The following SNX8 variants were observed in gnomAD, a reference collection of about 807,000 sequenced individuals.
SNX8 encodes the protein sorting nexin 8.
Under a neutral mutation model 51.6 loss-of-function variants are expected in SNX8, and 25 were observed. That is an observed-to-expected ratio of 0.48 (90% CI 0.35 to 0.68). The LOEUF is 0.68. SNX8 is among the 30% of genes least tolerant of loss of function. The pLI is 0.00. For missense variants in SNX8, 695 were observed against 624.0 expected (o/e 1.11, Z -1.21); for synonymous variants, 324 against 277.0 (o/e 1.17, Z -1.68).
intron 2 of SNX8, among the ~76,000 whole-genome samples, chr7:2,276,122 G>C (rs1008954485): frequency 1.3e-5 from 2 of 152,210 alleles, no homozygotes; most frequent in South Asian, 4.1e-4. Context: ...TCCCTATGTG[G>C]CAATGAATTT....
At chr7:2,288,931 T>G (rs2115162516) in intron 1 of SNX8, among the ~76,000 whole-genome samples, 1 of 152,220 alleles carries the variant, frequency 6.6e-6, no homozygotes, top group South Asian at 2.1e-4. Flanking sequence ...GAGATGAGGT[T>G]TCCCCATGTT....
chr7:2,270,349 GGCCCAGCATGGTGCGT>G, intron 4 of SNX8, among the ~76,000 whole-genome samples: 1 of 116,060 alleles, frequency 8.6e-6, no homozygotes. Flanking sequence ...AAAGACCTGA[GGCCCAGCATGGTGCGT>G]GCCTGTAGTC....
chr7:2,268,121 G>T (rs1307444260), intron 5 of SNX8, among the ~76,000 whole-genome samples: 2 of 144,250 alleles, frequency 1.4e-5, no homozygotes, highest in Admixed American at 6.8e-5. Flanking sequence ...AGGTGGGGGG[G>T]TCAGCCCCCC....
rs373120476 is a variant in SNX8 at position 2,278,298 on chromosome 7, C to T, written c.102G>A (p.Pro34=). The T allele has an allele frequency of 2.6e-5, 40 of 1,562,078 alleles. No homozygotes were observed. The highest frequency in any genetic ancestry group is 4.1e-5 in the African/African-American group (3 of 73,820). ...EEADPPASDL[P]TPQAIEPQAI... ...CCTGGGGCTCGATGGCCTGGGGTGTCGGCAGATCTGCAGGGGAGATGGTGA... is the reference window on the plus strand; with the variant it reads ...CCTGGGGCTCGATGGCCTGGGGTGTTGGCAGATCTGCAGGGGAGATGGTGA... Residue 34 remains proline (P), a synonymous_variant, in exon 2 of 11, where the codon CCG becomes CCA. Transcript: ENST00000222990.
chr7:2,264,918 C>T (rs1795428528), intron 5 of SNX8, among the ~76,000 whole-genome samples: 1 of 152,030 alleles, frequency 6.6e-6, no homozygotes, highest in South Asian at 2.1e-4. Flanking sequence ...ACCTGTAATC[C>T]CAGCTACTCC....
intron 1 of SNX8, among the ~76,000 whole-genome samples, chr7:2,332,505 G>A (rs1228975367): frequency 6.6e-6 from 1 of 152,048 alleles, no homozygotes; most frequent in Non-Finnish European, 1.5e-5. Flanking sequence ...CTGTGATCCA[G>A]CACCTAGGAA....
chr7:2,255,172 G>A lies in SNX8; in HGVS notation c.1285-3C>T. 6.5e-7 allele frequency: 1 copy of A among 1,528,136 alleles called. No individual in the cohort carries two copies. Among genetic ancestry groups the A allele is most frequent in the Non-Finnish European group, 8.9e-7 (1 of 1,129,740 alleles). The allele number at this position is 1,528,136 out of a possible 1,614,324, so 94.7% of individuals were successfully genotyped here. A position where few individuals can be genotyped will look rare whatever the true frequency, so the allele number is the denominator to read the frequency against. ...AGGTCGTTCCACACCTTGCTCATCT[G>A]AAAGGGAAGCGAAGAGAACAAGATC... On this transcript the variant is annotated splice_polypyrimidine_tract_variant and splice_region_variant and intron_variant, in intron 10 of 10. Coordinates refer to ENST00000222990, the MANE Select transcript of SNX8 (RefSeq NM_013321.4).
At chr7:2,268,409 G>A (rs1269269690) in intron 5 of SNX8, among the ~76,000 whole-genome samples, 2 of 143,342 alleles carry the variant, frequency 1.4e-5, no homozygotes, top group African/African-American at 2.6e-5. Flanking sequence ...GGGAAGTGAG[G>A]AGCGTCTCCG....
At chr7:2,268,520 C>T (rs370688542) in intron 5 of SNX8, among the ~76,000 whole-genome samples, 31,737 of 135,848 alleles carry the variant, frequency 0.23, 2,033 homozygotes, top group East Asian at 0.4. Context: ...CCCCCCCGCC[C>T]GGCCAGCCGT....
At chr7:2,341,355 C>T (rs745803944) in intron 1 of SNX8, among the ~76,000 whole-genome samples, 7 of 151,248 alleles carry the variant, frequency 4.6e-5, no homozygotes, top group Admixed American at 4.0e-4. Flanking sequence ...AAAAATTAGC[C>T]GGGTGTGGTG....
chr7:2,347,890 C>A (rs904677449), intron 1 of SNX8, among the ~76,000 whole-genome samples: 3 of 85,044 alleles, frequency 3.5e-5, no homozygotes, highest in African/African-American at 1.0e-4. Context: ...GTGATCTGCC[C>A]GCTTCGGCCT....
At chr7:2,282,521 A>G (rs12666845) in intron 1 of SNX8, among the ~76,000 whole-genome samples, 1,808 of 152,342 alleles carry the variant, frequency 0.012, 26 homozygotes, top group East Asian at 0.048. Context: ...CGAGTTATCC[A>G]CAAATCAGAA....
chr7:2,307,420 T>A (rs1441634346), intron 1 of SNX8, among the ~76,000 whole-genome samples: 3 of 151,332 alleles, frequency 2.0e-5, no homozygotes, highest in Non-Finnish European at 4.4e-5. Context: ...ATCACTGAGG[T>A]TCCAAGTTCG....
chr7:2,346,315 G>A (rs1382728259), intron 1 of SNX8, among the ~76,000 whole-genome samples: 3 of 151,920 alleles, frequency 2.0e-5, no homozygotes, highest in African/African-American at 4.8e-5. Flanking sequence ...GTATGGTGGT[G>A]CATGCCTGTA....
At chr7:2,303,620 T>C (rs184740883) in intron 1 of SNX8, among the ~76,000 whole-genome samples, 10 of 152,244 alleles carry the variant, frequency 6.6e-5, no homozygotes, top group Admixed American at 1.3e-4. Context: ...AGAAAAATTC[T>C]TCTGCCTTGG....
chr7:2,273,840 C>A (rs1218089723), intron 3 of SNX8, among the ~76,000 whole-genome samples: 3 of 151,622 alleles, frequency 2.0e-5, no homozygotes, highest in Non-Finnish European at 4.4e-5. Context: ...GGAGGCGGAG[C>A]TTGCCATGAG....
intron 4 of SNX8, among the ~76,000 whole-genome samples, chr7:2,270,162 C>G (rs1037752221): frequency 2.6e-4 from 39 of 151,972 alleles, no homozygotes; most frequent in Non-Finnish European, 5.1e-4. Flanking sequence ...GCCCTCTCAT[C>G]TGAAAGAGGC....
chr7:2,349,868 C>T (rs978106169), intron 1 of SNX8, among the ~76,000 whole-genome samples: 2 of 152,096 alleles, frequency 1.3e-5, no homozygotes, highest in African/African-American at 4.8e-5. Context: ...GTGACAGGTC[C>T]TGAATGTCCA....
At chr7:2,260,395 A>G (rs7803189) in intron 7 of SNX8, among the ~76,000 whole-genome samples, 140,135 of 152,208 alleles carry the variant, frequency 0.92, 64,737 homozygotes, top group Non-Finnish European at 0.96. Context: ...ACTGCACCCA[A>G]CCAAGTTTAC....
Sources: allele counts gnomAD v4.1 joint callset (sites outside exome capture counted in the v4.1 genomes callset), GRCh38; gene constraint gnomAD v4.1.1; transcripts MANE v1.5; gene names NCBI Gene and HGNC (gene_info 2026-07-23, HGNC 2026-07-21).